The following FNBP1L variants were observed in gnomAD, a reference collection of about 807,000 sequenced individuals.
FNBP1L encodes the protein formin binding protein 1 like.
FNBP1L carries 36 observed loss-of-function variants against 91.2 expected under a neutral mutation model. The ratio of observed to expected loss-of-function variants is 0.39; its 90% confidence interval spans 0.30 to 0.52. The LOEUF (loss-of-function observed/expected upper bound fraction) is 0.52, where lower values mean the gene tolerates loss of function less well. Among genes scored for constraint, FNBP1L ranks in the 20% least tolerant of loss-of-function variants. The pLI is 0.66. For missense variants in FNBP1L, 571 were observed against 732.1 expected, an observed-to-expected ratio of 0.78 and a Z score of 2.54; for synonymous variants, 242 against 237.0, an observed-to-expected ratio of 1.02 and a Z score of -0.19.
At chr1:93,474,523 A>G (rs142046616) in intron 1 of FNBP1L, among the ~76,000 whole-genome samples, 112 of 152,340 alleles carry the variant, frequency 7.4e-4, no homozygotes, top group African/African-American at 2.5e-3. Context: ...GAAACTTAGA[A>G]TAGACGTGCC....
At chr1:93,544,862 T>G (rs1435438301) in intron 12 of FNBP1L, among the ~76,000 whole-genome samples, 1 of 152,080 alleles carries the variant, frequency 6.6e-6, no homozygotes. Flanking sequence ...AATGAAATAT[T>G]TGCACTACCT....
intron 1 of FNBP1L, among the ~76,000 whole-genome samples, chr1:93,463,580 C>T (rs1474330798): frequency 6.6e-6 from 1 of 152,138 alleles, no homozygotes; most frequent in Non-Finnish European, 1.5e-5. Context: ...TCTTTCTAGC[C>T]TCCTTCCTTG....
chr1:93,500,401 T>C (rs761350943), intron 2 of FNBP1L, among the ~76,000 whole-genome samples: 1 of 152,158 alleles, frequency 6.6e-6, no homozygotes, highest in Non-Finnish European at 1.5e-5. Flanking sequence ...TACATCTTCA[T>C]ACCCCCATAT....
At chr1:93,493,621 T>A (rs1384072274) in intron 1 of FNBP1L, among the ~76,000 whole-genome samples, 1 of 152,186 alleles carries the variant, frequency 6.6e-6, no homozygotes, top group African/African-American at 2.4e-5. Flanking sequence ...CATACAGTAT[T>A]TGTCCTTTTC....
chr1:93,546,729 T>G (rs1672252886), intron 12 of FNBP1L, 113 bp from the exon 13 acceptor site: 2 of 1,099,626 alleles, frequency 1.8e-6, no homozygotes, highest in Non-Finnish European at 2.6e-6. Flanking sequence ...CTTAAAAAGA[T>G]GTGACTCTAC....
chr1:93,515,439 C>T (rs1350226586), intron 2 of FNBP1L, among the ~76,000 whole-genome samples: 1 of 151,954 alleles, frequency 6.6e-6, no homozygotes, highest in Non-Finnish European at 1.5e-5. Context: ...GACTATAAAT[C>T]ATGCTGCTAT....
chr1:93,529,221 A>G (rs1671592163), intron 5 of FNBP1L, among the ~76,000 whole-genome samples: 1 of 152,104 alleles, frequency 6.6e-6, no homozygotes, highest in South Asian at 2.1e-4. Context: ...AAATTATAAA[A>G]CACACATTTT....
In FNBP1L at chr1:93,530,780, C is replaced by T. The variant is rs369400637; in HGVS notation, c.536C>T (p.Thr179Met). 89 of 1,592,974 alleles carry T rather than the reference C, an allele frequency of 5.6e-5. No individual in the cohort carries two copies. The highest frequency in any genetic ancestry group is 6.8e-5 in the Non-Finnish European group (79 of 1,168,636). ...EKAKQQLNLR[T>M]HMADENKNEY... ...GCCAAACAGCAGTTGAATCTGCGTA[C>T]GCATATGGCCGATGAAAATAAAAAT... The change falls in exon 7 of 17, where the codon ACG (threonine) becomes ATG (methionine). Residue 179 changes from threonine to methionine, a missense_variant. This residue lies in a region of FNBP1L where 220 missense variants were observed against 313.6 expected (regional missense o/e 0.70). Transcript: ENST00000271234.
At chr1:93,543,959 G>A (rs928950092) in intron 11 of FNBP1L, 148 bp from the exon 12 acceptor site, 1 of 505,174 alleles carries the variant, frequency 2.0e-6, no homozygotes, top group Admixed American at 3.7e-5. Flanking sequence ...ACACATCTGT[G>A]TAGATTTCTT....
At chr1:93,467,235 A>G (rs1048346928) in intron 1 of FNBP1L, among the ~76,000 whole-genome samples, 2 of 152,188 alleles carry the variant, frequency 1.3e-5, no homozygotes, top group African/African-American at 2.4e-5. Context: ...AATGGAAGCA[A>G]CCCACTTGTT....
At chr1:93,493,023 G>A (rs1285113798) in intron 1 of FNBP1L, among the ~76,000 whole-genome samples, 1 of 152,120 alleles carries the variant, frequency 6.6e-6, no homozygotes, top group Non-Finnish European at 1.5e-5. Context: ...TGGCACTTTG[G>A]GAGGCCAAGG....
At chr1:93,513,577 A>T (rs1359101390) in intron 2 of FNBP1L, among the ~76,000 whole-genome samples, 2 of 150,940 alleles carry the variant, frequency 1.3e-5, no homozygotes, top group Non-Finnish European at 3.0e-5. Context: ...CACCATGATC[A>T]AGTGGGCTTC....
chr1:93,536,606 C>A, intron 10 of FNBP1L, 116 bp downstream of exon 10: 4 of 927,078 alleles, frequency 4.3e-6, no homozygotes, highest in African/African-American at 1.7e-5. Context: ...TTTAAAAACA[C>A]CACAGAATTA....
intron 1 of FNBP1L, among the ~76,000 whole-genome samples, chr1:93,475,571 T>G (rs1355602785): frequency 6.6e-6 from 1 of 152,082 alleles, no homozygotes; most frequent in African/African-American, 2.4e-5. Context: ...CCAAACTCCT[T>G]ATCTCCACCA....
At chr1:93,480,946 A>G (rs1669680949) in intron 1 of FNBP1L, among the ~76,000 whole-genome samples, 1 of 152,176 alleles carries the variant, frequency 6.6e-6, no homozygotes, top group South Asian at 2.1e-4. Context: ...TGTATCTCAC[A>G]TCTTCCAATT....
In FNBP1L at chr1:93,546,993, A is replaced by G; in HGVS notation, c.1407+19A>G. On this transcript the variant is annotated intron_variant, in intron 13 of 16. Transcript: ENST00000271234. ...GAATGAGGTAGATTTGTTATTCAGC[A>G]CTTGTCAAGATAAATTATTTTTATA... 1 of 1,600,416 alleles carries G rather than the reference A, an allele frequency of 6.2e-7. No homozygotes were observed. Among genetic ancestry groups the G allele is most frequent in the Admixed American group, 1.7e-5 (1 of 57,366 alleles).
At chr1:93,486,449 T>A (rs2101713065) in intron 1 of FNBP1L, among the ~76,000 whole-genome samples, 1 of 147,626 alleles carries the variant, frequency 6.8e-6, no homozygotes, top group Admixed American at 6.8e-5. Flanking sequence ...GCAGAATACT[T>A]TTTTTTTTTT....
chr1:93,465,723 A>G (rs1446961409), intron 1 of FNBP1L, among the ~76,000 whole-genome samples: 136 of 152,208 alleles, frequency 8.9e-4, no homozygotes, highest in Non-Finnish European at 8.8e-5. Flanking sequence ...ATACCCAGTA[A>G]TGGGATGGCT....
intron 2 of FNBP1L, among the ~76,000 whole-genome samples, chr1:93,507,744 G>C (rs1453996846): frequency 1.3e-5 from 2 of 152,064 alleles, no homozygotes; most frequent in Admixed American, 6.5e-5. Context: ...CGCTGCCCAG[G>C]TTCAAGCGAT....
Sources: allele counts gnomAD v4.1 joint callset (sites outside exome capture counted in the v4.1 genomes callset), GRCh38; gene constraint gnomAD v4.1.1; regional missense constraint gnomAD v4.1.1; transcripts MANE v1.5; gene names NCBI Gene and HGNC (gene_info 2026-07-23, HGNC 2026-07-21).